CNTNAP2: variants seen among roughly 807,000 people sequenced by gnomAD.
The protein encoded by CNTNAP2 is contactin-associated protein-like 2.
Under a neutral mutation model 155.2 loss-of-function variants are expected in CNTNAP2, and 98 were observed. That is an observed-to-expected ratio of 0.63 (90% confidence interval 0.54 to 0.75). The LOEUF is 0.75. Ranked by LOEUF, CNTNAP2 falls within the 30% of genes least tolerant of loss-of-function variation. CNTNAP2 has a pLI of 0.00. For synonymous variants in CNTNAP2, 651 were observed against 631.2 expected, an observed-to-expected ratio of 1.03 and a Z score of -0.47; for missense variants, 1,727 against 1,688.1, an observed-to-expected ratio of 1.02 and a Z score of -0.40.
chr7:147,628,317 G>A (rs991806518), intron 12 of CNTNAP2, among the ~76,000 whole-genome samples: 118 of 152,198 alleles, frequency 7.8e-4, no homozygotes, highest in African/African-American at 2.6e-3. Flanking sequence ...AAAGAATTGG[G>A]GTGTCATCTT....
At chr7:146,855,042 A>G (rs1794949352) in intron 3 of CNTNAP2, among the ~76,000 whole-genome samples, 2 of 152,228 alleles carry the variant, frequency 1.3e-5, no homozygotes, top group African/African-American at 4.8e-5. Flanking sequence ...CAAAAACATG[A>G]AAAGGAAACT....
intron 21 of CNTNAP2, among the ~76,000 whole-genome samples, chr7:148,329,355 G>A (rs73745570): frequency 0.029 from 4,461 of 152,224 alleles, 227 homozygotes; most frequent in African/African-American, 0.1. Flanking sequence ...AGAAGTCCCC[G>A]GTGGCTCAGG....
chr7:146,279,452 ACACACACACACTTC>A (rs1421559525), intron 1 of CNTNAP2, among the ~76,000 whole-genome samples: 1 of 151,282 alleles, frequency 6.6e-6, no homozygotes, highest in Non-Finnish European at 1.5e-5. Context: ...ACACACACAC[ACACACACACACTTC>A]CACACACTAA....
intron 21 of CNTNAP2, among the ~76,000 whole-genome samples, chr7:148,369,086 A>G (rs945785722): frequency 6.6e-6 from 1 of 151,912 alleles, no homozygotes; most frequent in Non-Finnish European, 1.5e-5. Context: ...TTGTGTTTCA[A>G]ATGCTAAGCA....
intron 1 of CNTNAP2, among the ~76,000 whole-genome samples, chr7:146,304,176 A>C (rs1800665949): frequency 6.8e-6 from 1 of 146,752 alleles, no homozygotes; most frequent in Non-Finnish European, 1.5e-5. Context: ...TGCATGTGAG[A>C]TGGGTCTCCT....
At chr7:146,521,160 C>T (rs932975038) in intron 1 of CNTNAP2, among the ~76,000 whole-genome samples, 3 of 151,772 alleles carry the variant, frequency 2.0e-5, no homozygotes, top group Non-Finnish European at 4.4e-5. Flanking sequence ...CAAGCCTTTC[C>T]TATATAGAAC....
rs143514633 is a variant in CNTNAP2, at chr7:147,910,012, G to A, written c.2255+6291G>A. Among the ~76,000 whole-genome samples the A allele has an allele frequency of 6.8e-3, 1,041 of 152,202 alleles. 3 individuals carry two copies. Among genetic ancestry groups the A allele is most frequent in the Middle Eastern group, 0.044 (13 of 294 alleles). On this transcript the variant is annotated intron_variant, in intron 14 of 23. Transcript: ENST00000361727. ...TGTCTAACAGCCTTTTTCTTCCTGG[G>A]CCAAAAATAATCCATGACCAACTTT...
chr7:148,224,901 C>G (rs1382895796), intron 19 of CNTNAP2, among the ~76,000 whole-genome samples: 3 of 152,166 alleles, frequency 2.0e-5, no homozygotes, highest in Non-Finnish European at 2.9e-5. Context: ...AACTCAGTCA[C>G]TATCATGAGA....
At chr7:147,698,884 T>C (rs1796196682) in intron 13 of CNTNAP2, among the ~76,000 whole-genome samples, 1 of 151,268 alleles carries the variant, frequency 6.6e-6, no homozygotes, top group Admixed American at 6.8e-5. Context: ...CTAACCAAAA[T>C]AATTAGAAAA....
intron 14 of CNTNAP2, among the ~76,000 whole-genome samples, chr7:147,915,941 C>T (rs921774605): frequency 1.3e-5 from 2 of 152,114 alleles, no homozygotes; most frequent in African/African-American, 4.8e-5. Flanking sequence ...CTGAAGTTGC[C>T]TCTTAACAGG....
chr7:147,665,956 C>A (rs1795686863), intron 13 of CNTNAP2, among the ~76,000 whole-genome samples: 1 of 152,142 alleles, frequency 6.6e-6, no homozygotes, highest in Non-Finnish European at 1.5e-5. Flanking sequence ...TATTAGAGTT[C>A]TCATTACTCT....
intron 19 of CNTNAP2, among the ~76,000 whole-genome samples, chr7:148,228,643 G>A (rs959471928): frequency 6.6e-5 from 10 of 152,008 alleles, no homozygotes; most frequent in Non-Finnish European, 1.5e-4. Flanking sequence ...CTAATACGGT[G>A]AAACCCCGTC....
At chr7:146,638,027 G>A (rs555888959) in intron 1 of CNTNAP2, among the ~76,000 whole-genome samples, 2 of 152,124 alleles carry the variant, frequency 1.3e-5, no homozygotes, top group African/African-American at 2.4e-5. Context: ...TGCACCTGTT[G>A]CAGTAACCCA....
At chr7:147,754,864 A>G (rs1420858182) in intron 13 of CNTNAP2, among the ~76,000 whole-genome samples, 2 of 152,222 alleles carry the variant, frequency 1.3e-5, no homozygotes, top group African/African-American at 2.4e-5. Context: ...TGACGGATCC[A>G]TGTGGACTAT....
chr7:146,677,926 C>G (rs757912700), intron 1 of CNTNAP2, among the ~76,000 whole-genome samples: 1 of 151,962 alleles, frequency 6.6e-6, no homozygotes, highest in Non-Finnish European at 1.5e-5. Flanking sequence ...GACTGATGTC[C>G]CACGCTCATA....
intron 5 of CNTNAP2, 136 bp downstream of exon 5, chr7:147,108,486 C>T: frequency 1.3e-6 from 1 of 767,118 alleles, no homozygotes; most frequent in South Asian, 2.0e-5. Context: ...TAATCTATAA[C>T]AGTAGGTATA....
chr7:147,066,052 A>G (rs904075451), intron 4 of CNTNAP2, among the ~76,000 whole-genome samples: 5 of 152,200 alleles, frequency 3.3e-5, no homozygotes, highest in Admixed American at 1.3e-4. Flanking sequence ...GAAACAAAAA[A>G]CCTTACAAGT....
chr7:147,185,031 C>G (rs931933702), intron 8 of CNTNAP2, among the ~76,000 whole-genome samples: 2 of 151,926 alleles, frequency 1.3e-5, no homozygotes, highest in African/African-American at 4.8e-5. Context: ...CTTAAATGGG[C>G]AAAAATACCC....
chr7:147,604,924 G>A (rs911352629), intron 12 of CNTNAP2, among the ~76,000 whole-genome samples: 8 of 152,144 alleles, frequency 5.3e-5, no homozygotes, highest in Admixed American at 5.2e-4. Context: ...TCCCATAATA[G>A]TCTTCAATAA....
Sources: allele counts gnomAD v4.1 joint callset (sites outside exome capture counted in the v4.1 genomes callset), GRCh38; gene constraint gnomAD v4.1.1; transcripts MANE v1.5; gene names NCBI Gene and HGNC (gene_info 2026-07-23, HGNC 2026-07-21).